Variants in EPS8 observed in about 807,000 individuals in gnomAD.
EPS8 encodes EGFR pathway substrate 8, signaling adaptor, also known as epidermal growth factor receptor kinase substrate 8.
EPS8 carries 42 observed loss-of-function variants against 103.8 expected under a neutral mutation model. The ratio of observed to expected loss-of-function variants is 0.40; its 90% CI spans 0.32 to 0.52. The LOEUF (loss-of-function observed/expected upper bound fraction) is 0.52, where lower values mean the gene tolerates loss of function less well. Among genes scored for constraint, EPS8 ranks in the 20% least tolerant of loss-of-function variants. EPS8 has a pLI of 0.40. For synonymous variants in EPS8, 344 were observed against 344.6 expected (o/e 1.00, Z 0.02); for missense variants, 969 against 1,005.1 (o/e 0.96, Z 0.49).
At chr12:15,756,675 A>C (rs879550905) in intron 1 of EPS8, among the ~76,000 whole-genome samples, 2 of 152,214 alleles carry the variant, frequency 1.3e-5, no homozygotes, top group Non-Finnish European at 2.9e-5. Context: ...ATACAACAGT[A>C]TCCTGACAGC....
intron 1 of EPS8, among the ~76,000 whole-genome samples, chr12:15,691,159 G>C (rs1946166283): frequency 6.6e-6 from 1 of 151,042 alleles, no homozygotes; most frequent in African/African-American, 2.4e-5. Context: ...GGCAATAGAA[G>C]ACAGCAAAGT....
chr12:15,737,711 C>T (rs1468499090), intron 1 of EPS8, among the ~76,000 whole-genome samples: 2 of 152,090 alleles, frequency 1.3e-5, no homozygotes, highest in East Asian at 1.9e-4. Flanking sequence ...CTATTATATA[C>T]CCAAATATTA....
At chr12:15,676,259 C>CAAAA (rs888576581) in intron 3 of EPS8, among the ~76,000 whole-genome samples, 2 of 16,320 alleles carry the variant, frequency 1.2e-4, no homozygotes, top group Admixed American at 7.4e-4. Context: ...GACTCCATCT[C>CAAAA]AAAAAAAAAA....
rs1944861448 is a variant in EPS8, at chr12:15,621,481, A to G, written c.2356-51T>C. The G allele has an allele frequency of 3.0e-6, 3 of 1,001,054 alleles. No individual in the cohort carries two copies. In the East Asian group the frequency reaches 8.2e-5, roughly 27 times the overall value. The allele number at this position is 1,001,054 out of a possible 1,614,324, so 62.0% of individuals were successfully genotyped here. ...ATAGTTACTGACTTGTGCAGGCTGC[A>G]GGTCATATCATGAAATGGCTCAGGA... On this transcript the variant is annotated intron_variant, in intron 20 of 20. Transcript: ENST00000281172.
At position 15,776,755 on chromosome 12, in the gene EPS8, T is replaced by C. The variant is rs1363484106; in HGVS notation, c.-22+12406A>G. On this transcript the variant is annotated intron_variant, in intron 1 of 20. Transcript: ENST00000281172. This position sits in a 1 kb window ranked among gnomAD's most constrained non-coding sequence, Gnocchi z 4.2. ...GTTAGTAAAAATGGCTGATGGGTTCTTGAGAATTTTAGCGTTTCCCCTTTT... is the reference window on the plus strand; with the variant it reads ...GTTAGTAAAAATGGCTGATGGGTTCCTGAGAATTTTAGCGTTTCCCCTTTT... Among the ~76,000 whole-genome samples the C allele has an allele frequency of 6.6e-6, 1 of 152,214 alleles. No homozygotes were observed. The highest frequency in any genetic ancestry group is 2.4e-5 in the African/African-American group (1 of 41,454).
In EPS8 at chr12:15,787,881, T is replaced by A. The variant is rs1939026086; in HGVS notation, c.-22+1280A>T. The A allele has an allele frequency of 6.6e-6, 1 of 152,220 alleles. No homozygotes were observed. The highest frequency in any genetic ancestry group is 6.5e-5 in the Admixed American group (1 of 15,282). 9.4% of individuals were successfully genotyped at this position (152,220 alleles called of 1,614,324 possible). A position where few individuals can be genotyped will look rare whatever the true frequency, so the allele number is the denominator to read the frequency against. On this transcript the variant is annotated intron_variant, in intron 1 of 20. Coordinates refer to ENST00000281172, the MANE Select transcript of EPS8 (RefSeq NM_004447.6). This position sits in a 1 kb window ranked among gnomAD's most constrained non-coding sequence, Gnocchi z 4.9. ...CAGCAACTTAAGAACTACAGCAATA[T>A]GTTTAGAAAACTGCGATCCCAAACA... is the stretch of plus-strand genomic sequence containing the variant.
chr12:15,676,252 T>A (rs1591845230), intron 3 of EPS8, among the ~76,000 whole-genome samples: 1 of 93,550 alleles, frequency 1.1e-5, no homozygotes. Context: ...AGGGCAAGAC[T>A]CCATCTCAAA....
chr12:15,727,317 A>G lies in EPS8; in HGVS notation c.-21-44345T>C, dbSNP rs1196273699. 6.6e-6 allele frequency among the ~76,000 whole-genome samples: 1 copy of G among 152,208 alleles called. No individual in the cohort carries two copies. The highest frequency in any genetic ancestry group is 1.5e-5 in the Non-Finnish European group (1 of 68,042). On this transcript the variant is annotated intron_variant, in intron 1 of 20. Transcript: ENST00000281172. This position sits in a 1 kb window ranked among gnomAD's most constrained non-coding sequence, Gnocchi z 4.3. ...TAGATTAACTCTCACTATATCCCCA[A>G]GTAGATCTGACCATTTGGCATATAG...
chr12:15,671,733 G>T (rs1417912221), intron 3 of EPS8: 1 of 151,990 alleles, frequency 6.6e-6, no homozygotes, highest in Admixed American at 6.6e-5. Context: ...TCATGAATTT[G>T]AGTGCCATCT....
In EPS8 at chr12:15,621,394, T is replaced by C; in HGVS notation, c.2392A>G (p.Arg798Gly). 1.2e-6 allele frequency: 2 copies of C among 1,605,012 alleles called. No individual in the cohort carries two copies. The highest frequency in any genetic ancestry group is 1.7e-6 in the Non-Finnish European group (2 of 1,176,318). The part of the protein sequence containing the change: ...SGSSELQEIM[R>G]RRQEKISAAA... ...GCACTGATTTTTTCCTGTCGTCTTCTCATAATTTCTTGTAACTCGGAGCTG... is the reference window on the plus strand; with the variant it reads ...GCACTGATTTTTTCCTGTCGTCTTCCCATAATTTCTTGTAACTCGGAGCTG... The change falls in exon 21 of 21, where the codon AGA becomes GGA. Residue 798 changes from arginine to glycine, a missense_variant. Physicochemically the swap from Arg to Gly is moderately radical, Grantham distance 125 (BLOSUM62 -2). Transcript: ENST00000281172.
At chr12:15,651,049 A>C (rs1305636268) in intron 13 of EPS8, 43 bp from the exon 14 acceptor site, 1 of 1,522,954 alleles carries the variant, frequency 6.6e-7, no homozygotes, top group Non-Finnish European at 9.0e-7. Flanking sequence ...AAATCTAGGA[A>C]TGTATCCATG....
At chr12:15,641,276 C>G (rs1945223939) in intron 16 of EPS8, among the ~76,000 whole-genome samples, 1 of 152,054 alleles carries the variant, frequency 6.6e-6, no homozygotes, top group South Asian at 2.1e-4. Context: ...CAATTAGAAT[C>G]TAACAAAGAG....
At chr12:15,726,515 AG>A (rs1946654591) in intron 1 of EPS8, among the ~76,000 whole-genome samples, 1 of 152,202 alleles carries the variant, frequency 6.6e-6, no homozygotes. Context: ...AAAATGGTCA[AG>A]GGAGGGGGTC....
chr12:15,658,219 C>T (rs1945542211), intron 11 of EPS8, 66 bp from the exon 12 acceptor site: 1 of 1,083,416 alleles, frequency 9.2e-7, no homozygotes, highest in Non-Finnish European at 1.4e-6. Flanking sequence ...AAAGGTCCAA[C>T]ATAGACACAG....
chr12:15,624,144 T>G, intron 19 of EPS8, 83 bp downstream of exon 19: 9 of 1,090,542 alleles, frequency 8.3e-6, no homozygotes, highest in Non-Finnish European at 1.1e-5. Flanking sequence ...TTTATAACAG[T>G]TATCTGTGAC....
intron 1 of EPS8, among the ~76,000 whole-genome samples, chr12:15,774,721 G>A (rs986541563): frequency 1.1e-4 from 16 of 147,830 alleles, no homozygotes; most frequent in Non-Finnish European, 7.4e-5. Context: ...AAAAAATAGT[G>A]ACCAAAATAT....
In EPS8 at chr12:15,784,540, A is replaced by G. The variant is rs921186696; in HGVS notation, c.-22+4621T>C. 3.3e-5 allele frequency among the ~76,000 whole-genome samples: 5 copies of G among 152,192 alleles called. No individual in the cohort carries two copies. The highest frequency in any genetic ancestry group is 2.6e-4 in the Admixed American group (4 of 15,282). On this transcript the variant is annotated intron_variant, in intron 1 of 20. Coordinates refer to ENST00000281172, the MANE Select transcript of EPS8 (RefSeq NM_004447.6). The surrounding 1 kb of genome is among the most constrained non-coding windows in gnomAD (Gnocchi z 4.0). ...TAAGAACTCACATTCATTGCTGGTG[A>G]GAATGTAATAGTACAGCCACTTCGG...
chr12:15,631,884 C>T, intron 17 of EPS8: 1 of 443,148 alleles, frequency 2.3e-6, no homozygotes, highest in East Asian at 3.8e-5. Flanking sequence ...TAAGGAGTCA[C>T]AAGGCTACGT....
At chr12:15,724,553 C>T (rs1221624405) in intron 1 of EPS8, among the ~76,000 whole-genome samples, 1 of 152,120 alleles carries the variant, frequency 6.6e-6, no homozygotes, top group Admixed American at 6.5e-5. Flanking sequence ...ACTTTTAAAA[C>T]TTTTCAATCT....
Sources: gnomAD v4.1 joint callset for allele counts (sites outside exome capture counted in the v4.1 genomes callset) on GRCh38, gnomAD v4.1.1 for gene constraint, Gnocchi (gnomAD v3.1) non-coding constraint, MANE v1.5 for transcripts, NCBI Gene and HGNC (gene_info 2026-07-23, HGNC 2026-07-21) for gene names.